DENND1B: variants seen among roughly 807,000 people sequenced by gnomAD.
The protein encoded by DENND1B is DENN domain-containing protein 1B.
DENND1B carries 59 observed loss-of-function variants against 90.1 expected under a neutral mutation model. The ratio of observed to expected loss-of-function variants is 0.65; its 90% confidence interval spans 0.53 to 0.81. DENND1B has a LOEUF of 0.81. DENND1B is among the 40% of genes least tolerant of loss of function. DENND1B has a pLI of 0.00. For missense variants in DENND1B, 862 were observed against 912.6 expected, an observed-to-expected ratio of 0.94 and a Z score of 0.71; for synonymous variants, 337 against 324.6, an observed-to-expected ratio of 1.04 and a Z score of -0.41.
intron 7 of DENND1B, among the ~76,000 whole-genome samples, chr1:197,647,501 T>C (rs1680830664): frequency 1.3e-5 from 2 of 152,182 alleles, no homozygotes; most frequent in Non-Finnish European, 2.9e-5. Flanking sequence ...AAATCTCCTC[T>C]AGTAGCTGAA....
intron 3 of DENND1B, among the ~76,000 whole-genome samples, chr1:197,682,831 T>A (rs547323141): frequency 1.3e-5 from 2 of 152,152 alleles, no homozygotes; most frequent in Non-Finnish European, 2.9e-5. Context: ...ACAAACTGGA[T>A]TGAGAAATAA....
rs1670295869 is a variant in DENND1B, at chr1:197,541,004, A to G, written c.1362T>C (p.His454=). ...TCACTTCCTTTAGTCCCAGCTTTGCATGATTTTTTGCCTAGAAAATGATAA... is the reference window on the plus strand; with the variant it reads ...TCACTTCCTTTAGTCCCAGCTTTGCGTGATTTTTTGCCTAGAAAATGATAA... The part of the protein sequence containing the change: ...VRTAYKFAKN[H]AKLGLKEVKS... Residue 454 remains histidine (H), a synonymous_variant, in exon 19 of 23, where the codon CAT becomes CAC. Transcript: ENST00000620048. 1.2e-6 allele frequency: 2 copies of G among 1,612,612 alleles called. No individual in the cohort carries two copies. The highest frequency in any genetic ancestry group is 1.7e-6 in the Non-Finnish European group (2 of 1,179,204).
At chr1:197,760,161 A>G (rs1447212643) in intron 2 of DENND1B, among the ~76,000 whole-genome samples, 4 of 152,350 alleles carry the variant, frequency 2.6e-5, no homozygotes, top group Admixed American at 2.0e-4. Context: ...AAGGCATTCC[A>G]GAAGAGTTCA....
intron 20 of DENND1B, among the ~76,000 whole-genome samples, chr1:197,522,804 G>A (rs1668866132): frequency 6.6e-6 from 1 of 152,070 alleles, no homozygotes; most frequent in Non-Finnish European, 1.5e-5. Flanking sequence ...AAGGAGAGAT[G>A]AGAGACAGGA....
At position 197,686,010 on chromosome 1, in the gene DENND1B, A is replaced by C. The variant is rs146146593; in HGVS notation, c.127-11841T>G. On this transcript the variant is annotated intron_variant, in intron 3 of 22. Transcript: ENST00000620048. ...TACGATAAACTGAAATATGAATACC[A>C]GTTGTTTTTACATAACAGAAAGCCA... 2.5e-3 allele frequency among the ~76,000 whole-genome samples: 378 copies of C among 152,260 alleles called. 4 individuals carry two copies. Among genetic ancestry groups the C allele is most frequent in the Non-Finnish European group, 3.9e-3 (265 of 67,992 alleles).
intron 2 of DENND1B, among the ~76,000 whole-genome samples, chr1:197,766,416 C>G (rs1655706844): frequency 6.6e-6 from 1 of 152,312 alleles, no homozygotes; most frequent in East Asian, 1.9e-4. Flanking sequence ...GCAATACCTC[C>G]TAAACTACTT....
At chr1:197,603,169 T>G (rs1486455849) in intron 13 of DENND1B, among the ~76,000 whole-genome samples, 4 of 151,368 alleles carry the variant, frequency 2.6e-5, no homozygotes, top group Non-Finnish European at 4.4e-5. Flanking sequence ...CCAATAGTAT[T>G]ATATTTAAGA....
At chr1:197,719,578 T>C (rs535097636) in intron 2 of DENND1B, among the ~76,000 whole-genome samples, 2 of 152,298 alleles carry the variant, frequency 1.3e-5, no homozygotes, top group South Asian at 4.1e-4. Context: ...AAAAAGCTGT[T>C]GGAGCTTTAA....
At chr1:197,650,542 T>C (rs746944698) in intron 7 of DENND1B, among the ~76,000 whole-genome samples, 2 of 152,110 alleles carry the variant, frequency 1.3e-5, no homozygotes, top group African/African-American at 2.4e-5. Flanking sequence ...AAAAAGTCAT[T>C]ACATGAAAAA....
chr1:197,540,151 T>C (rs1282855838), intron 19 of DENND1B, 80 bp from the exon 20 acceptor site: 10 of 933,662 alleles, frequency 1.1e-5, no homozygotes, highest in African/African-American at 3.4e-5. Flanking sequence ...AAACAAAGTA[T>C]CTGATATACA....
chr1:197,723,891 T>C (rs992386690), intron 2 of DENND1B, among the ~76,000 whole-genome samples: 1 of 152,162 alleles, frequency 6.6e-6, no homozygotes, highest in African/African-American at 2.4e-5. Flanking sequence ...ACACTCATTA[T>C]ACTTAACTCT....
At chr1:197,692,465 C>T (rs1318106911) in intron 3 of DENND1B, among the ~76,000 whole-genome samples, 1 of 151,812 alleles carries the variant, frequency 6.6e-6, no homozygotes, top group Non-Finnish European at 1.5e-5. Context: ...TCCCACACTC[C>T]AACCACATGA....
At chr1:197,666,674 A>C (rs1654964392) in intron 5 of DENND1B, among the ~76,000 whole-genome samples, 1 of 152,224 alleles carries the variant, frequency 6.6e-6, no homozygotes, top group Non-Finnish European at 1.5e-5. Flanking sequence ...TAAATAACTC[A>C]GAAAATGAGC....
intron 20 of DENND1B, among the ~76,000 whole-genome samples, chr1:197,521,294 C>T (rs1302335545): frequency 2.6e-5 from 4 of 152,030 alleles, no homozygotes; most frequent in African/African-American, 7.2e-5. Context: ...TCCCCTGATG[C>T]ACCAAGGAGA....
intron 2 of DENND1B, chr1:197,735,472 TAGA>T (rs1343253151): frequency 8.4e-6 from 13 of 1,539,858 alleles, no homozygotes; most frequent in East Asian, 4.8e-5. Context: ...TTTCCTTTGT[TAGA>T]AGAAGTGATC....
chr1:197,697,485 C>T (rs945866122), intron 3 of DENND1B, among the ~76,000 whole-genome samples: 1 of 151,522 alleles, frequency 6.6e-6, no homozygotes, highest in Admixed American at 6.6e-5. Flanking sequence ...CCACTCTCAC[C>T]CTAAAAAGAG....
At chr1:197,741,798 G>A (rs548780156) in intron 2 of DENND1B, among the ~76,000 whole-genome samples, 9 of 152,042 alleles carry the variant, frequency 5.9e-5, no homozygotes, top group African/African-American at 1.9e-4. Context: ...TAAAATAAAC[G>A]TGGCAACCCA....
intron 3 of DENND1B, among the ~76,000 whole-genome samples, chr1:197,713,785 TTATAATATTATTA>T (rs1431049019): frequency 0.015 from 218 of 14,092 alleles, 8 homozygotes; most frequent in East Asian, 0.1. Flanking sequence ...TTATATTATA[TTATAATATTATTA>T]TATTATAATA....
chr1:197,586,448 G>C (rs527681323), intron 14 of DENND1B, among the ~76,000 whole-genome samples: 1 of 152,052 alleles, frequency 6.6e-6, no homozygotes, highest in African/African-American at 2.4e-5. Flanking sequence ...CATAAATTAA[G>C]GTTCTTTGAT....
Sources: allele counts gnomAD v4.1 joint callset (sites outside exome capture counted in the v4.1 genomes callset), GRCh38; gene constraint gnomAD v4.1.1; transcripts MANE v1.5; gene names NCBI Gene and HGNC (gene_info 2026-07-23, HGNC 2026-07-21).